NKAIN3: variants seen among roughly 807,000 people sequenced by gnomAD.
The protein encoded by NKAIN3 is sodium/potassium-transporting ATPase subunit beta-1-interacting protein 3.
NKAIN3 carries 25 observed loss-of-function variants against 30.2 expected under a neutral mutation model. The observed-to-expected ratio is 0.83, with a 90% CI of 0.60 to 1.16. NKAIN3 has a LOEUF of 1.16. Among genes scored for constraint, NKAIN3 ranks in the 50% most tolerant of loss-of-function variants. The pLI, the probability that NKAIN3 is intolerant of heterozygous loss-of-function variation, is 0.00. For synonymous variants in NKAIN3, 91 were observed against 89.6 expected, an observed-to-expected ratio of 1.02 and a Z score of -0.09; for missense variants, 225 against 254.1, an observed-to-expected ratio of 0.89 and a Z score of 0.78.
chr8:62,749,218 G>C (rs1455731209), intron 4 of NKAIN3, among the ~76,000 whole-genome samples: 1 of 152,160 alleles, frequency 6.6e-6, no homozygotes, highest in Non-Finnish European at 1.5e-5. Context: ...AGGACGCTTG[G>C]AATCCAAAAG....
At chr8:62,570,491 T>A (rs1300219585) in intron 1 of NKAIN3, among the ~76,000 whole-genome samples, 1 of 152,144 alleles carries the variant, frequency 6.6e-6, no homozygotes, top group Non-Finnish European at 1.5e-5. Flanking sequence ...CAATCATGGC[T>A]GAAGGTGAAA....
At chr8:62,404,057 A>G (rs1803976984) in intron 1 of NKAIN3, among the ~76,000 whole-genome samples, 1 of 152,216 alleles carries the variant, frequency 6.6e-6, no homozygotes, top group Admixed American at 6.5e-5. Flanking sequence ...TTTAAGGTTT[A>G]ATGACTGTAC....
At chr8:62,469,482 T>C (rs920901628) in intron 1 of NKAIN3, among the ~76,000 whole-genome samples, 1 of 152,182 alleles carries the variant, frequency 6.6e-6, no homozygotes, top group African/African-American at 2.4e-5. Context: ...TTTACTAACA[T>C]TCTGCTCTTG....
chr8:62,600,304 G>T (rs1810951065), intron 3 of NKAIN3, among the ~76,000 whole-genome samples: 1 of 151,918 alleles, frequency 6.6e-6, no homozygotes, highest in African/African-American at 2.4e-5. Context: ...CATTCTACAA[G>T]GACTTATTTT....
intron 1 of NKAIN3, among the ~76,000 whole-genome samples, chr8:62,488,764 A>G (rs1022143847): frequency 1.3e-5 from 2 of 152,172 alleles, no homozygotes; most frequent in South Asian, 2.1e-4. Context: ...ATTGTGAGCA[A>G]AACAAAATTT....
intron 1 of NKAIN3, among the ~76,000 whole-genome samples, chr8:62,254,073 T>C (rs72649353): frequency 9.3e-4 from 142 of 152,254 alleles, no homozygotes; most frequent in Non-Finnish European, 1.8e-3. Flanking sequence ...ATACTGTGAC[T>C]GGTATTGAAA....
chr8:62,773,276 C>T (rs886112223), intron 4 of NKAIN3, among the ~76,000 whole-genome samples: 15 of 152,178 alleles, frequency 9.9e-5, no homozygotes, highest in East Asian at 3.9e-4. Context: ...TCTGTGTATG[C>T]GTTTCTGGTT....
At chr8:62,407,948 G>A (rs1377055329) in intron 1 of NKAIN3, among the ~76,000 whole-genome samples, 1 of 152,112 alleles carries the variant, frequency 6.6e-6, no homozygotes, top group Non-Finnish European at 1.5e-5. Context: ...ATCACTTGAG[G>A]CCAGGAGTTG....
chr8:62,982,553 A>G lies in NKAIN3; in HGVS notation c.*17146A>G, dbSNP rs1418382161. On this transcript the variant is annotated 3_prime_UTR_variant, in exon 7 of 7. Coordinates refer to ENST00000623646, the MANE Select transcript of NKAIN3 (RefSeq NM_001304533.3). ...GTAATTCTGTAGACATGCTTCATGC[A>G]TGTTCTGAATAGGAGCTATGGTATA... 5 of 152,218 alleles carry G rather than the reference A, an allele frequency of 3.3e-5. No individual in the cohort carries two copies. Among genetic ancestry groups the G allele is most frequent in the East Asian group, 1.9e-4 (1 of 5,198 alleles). 9.4% of individuals were successfully genotyped at this position (152,218 alleles called of 1,614,324 possible).
In NKAIN3 at chr8:62,563,313, G is replaced by A. The variant is rs115609676; in HGVS notation, c.55-16226G>A. ...AGAAGCTGAATCAAATGATGAAGTC[G>A]CACTCTTTGAGATCAAGCAATATCC... is the stretch of plus-strand genomic sequence containing the variant. On this transcript the variant is annotated intron_variant, in intron 1 of 6. Transcript: ENST00000623646. 7.0e-3 allele frequency among the ~76,000 whole-genome samples: 1,061 copies of A among 152,150 alleles called. 12 individuals carry two copies. Among genetic ancestry groups the A allele is most frequent in the African/African-American group, 0.024 (1,014 of 41,512 alleles).
At position 62,321,508 on chromosome 8, in the gene NKAIN3, G is replaced by T. The variant is rs187989034; in HGVS notation, c.54+72381G>T. Among the ~76,000 whole-genome samples the T allele has an allele frequency of 6.6e-3, 1,011 of 152,266 alleles. 9 individuals are homozygous for T. Among genetic ancestry groups the T allele is most frequent in the African/African-American group, 0.023 (956 of 41,550 alleles). On this transcript the variant is annotated intron_variant, in intron 1 of 6. Coordinates refer to ENST00000623646, the MANE Select transcript of NKAIN3 (RefSeq NM_001304533.3). Reference sequence around the variant, plus strand: ...ATGGTGACGTACAGATGGAGTTTTGGTGTGGATGTCCTTTCTGTTTGTTAG... The same window carrying T: ...ATGGTGACGTACAGATGGAGTTTTGTTGTGGATGTCCTTTCTGTTTGTTAG...
Position 62,972,573 on chromosome 8 carries a change from T to A in NKAIN3, c.*7166T>A, listed in dbSNP as rs1438432239. On this transcript the variant is annotated 3_prime_UTR_variant, in exon 7 of 7. Transcript: ENST00000623646. ...ATTTACGTGCTTCTCAGTTGACATTTGTGAAGGCAGATTATACACATGAGA... is the reference window on the plus strand; with the variant it reads ...ATTTACGTGCTTCTCAGTTGACATTAGTGAAGGCAGATTATACACATGAGA... Among the ~76,000 whole-genome samples, 1 of 152,160 alleles carries A rather than the reference T, an allele frequency of 6.6e-6. No homozygotes were observed. The highest frequency in any genetic ancestry group is 1.5e-5 in the Non-Finnish European group (1 of 68,020).
chr8:62,360,652 C>A (rs764727968), intron 1 of NKAIN3, among the ~76,000 whole-genome samples: 5 of 152,022 alleles, frequency 3.3e-5, no homozygotes, highest in Admixed American at 1.3e-4. Flanking sequence ...GATTCAGAGT[C>A]GAGTTCAGGT....
chr8:62,543,993 G>A (rs1287563102), intron 1 of NKAIN3, among the ~76,000 whole-genome samples: 1 of 151,958 alleles, frequency 6.6e-6, no homozygotes, highest in Non-Finnish European at 1.5e-5. Context: ...TGCTAATTTT[G>A]TGTAACTGTA....
At chr8:62,796,201 G>A (rs1043186157) in intron 4 of NKAIN3, among the ~76,000 whole-genome samples, 4 of 151,618 alleles carry the variant, frequency 2.6e-5, no homozygotes, top group Non-Finnish European at 4.4e-5. Context: ...CTGGCCAACA[G>A]AATGAAACCC....
chr8:62,278,227 T>G (rs1813031066), intron 1 of NKAIN3, among the ~76,000 whole-genome samples: 1 of 151,964 alleles, frequency 6.6e-6, no homozygotes, highest in Non-Finnish European at 1.5e-5. Context: ...CCCTGAGAAG[T>G]CCTAAGGCAG....
chr8:62,445,441 G>A (rs1401297103), intron 1 of NKAIN3, among the ~76,000 whole-genome samples: 1 of 151,806 alleles, frequency 6.6e-6, no homozygotes, highest in Non-Finnish European at 1.5e-5. Flanking sequence ...TAAGGAAATT[G>A]AGCCTCAGGT....
intron 1 of NKAIN3, among the ~76,000 whole-genome samples, chr8:62,541,319 G>T (rs1382700593): frequency 2.0e-5 from 3 of 151,870 alleles, no homozygotes; most frequent in African/African-American, 7.3e-5. Context: ...CTCTGTCTCA[G>T]AAAACAAACA....
intron 4 of NKAIN3, among the ~76,000 whole-genome samples, chr8:62,803,690 T>G (rs1270246642): frequency 6.6e-6 from 1 of 151,856 alleles, no homozygotes; most frequent in Non-Finnish European, 1.5e-5. Context: ...CACCCTAACA[T>G]CAGAATTAAA....
Sources: allele counts gnomAD v4.1 joint callset (sites outside exome capture counted in the v4.1 genomes callset), GRCh38; gene constraint gnomAD v4.1.1; transcripts MANE v1.5; gene names NCBI Gene and HGNC (gene_info 2026-07-23, HGNC 2026-07-21).